The following SUMO2 variants were observed in gnomAD, a reference collection of about 807,000 sequenced individuals.
SUMO2 encodes the protein small ubiquitin-related modifier 2.
Under a neutral mutation model 16.0 loss-of-function variants are expected in SUMO2, and 1 was observed. The observed-to-expected ratio is 0.06, with a 90% CI of 0.02 to 0.30. The LOEUF is 0.30. SUMO2 is among the 10% of genes least tolerant of loss of function. SUMO2 has a pLI of 1.00. For synonymous variants in SUMO2, 36 were observed against 40.6 expected (o/e 0.89, Z 0.43); for missense variants, 16 against 117.5 (o/e 0.14, Z 3.99).
chr17:75,168,867 A>G (rs753795847), intron 3 of SUMO2, among the ~76,000 whole-genome samples: 16 of 152,010 alleles, frequency 1.1e-4, no homozygotes, highest in Non-Finnish European at 1.9e-4. Flanking sequence ...GGCCTCCCAA[A>G]GTGCTGGGAT....
intron 3 of SUMO2, among the ~76,000 whole-genome samples, chr17:75,173,978 T>C (rs1005689058): frequency 1.1e-4 from 17 of 152,126 alleles, no homozygotes; most frequent in Non-Finnish European, 2.1e-4. Flanking sequence ...AATCTCCTAT[T>C]ATCAGGGGCT....
chr17:75,169,931 G>A (rs551408531), intron 3 of SUMO2, among the ~76,000 whole-genome samples: 4 of 151,652 alleles, frequency 2.6e-5, no homozygotes, highest in Admixed American at 1.3e-4. Context: ...GAGGCAGGCA[G>A]ATCACCTGAG....
At chr17:75,172,936 G>A (rs1010581427) in intron 3 of SUMO2, among the ~76,000 whole-genome samples, 2 of 152,150 alleles carry the variant, frequency 1.3e-5, no homozygotes, top group Non-Finnish European at 2.9e-5. Flanking sequence ...TTCCTTTTGA[G>A]AGACTGTCAC....
intron 3 of SUMO2, among the ~76,000 whole-genome samples, chr17:75,172,092 T>G (rs892649994): frequency 6.7e-6 from 1 of 150,146 alleles, no homozygotes; most frequent in African/African-American, 2.5e-5. Flanking sequence ...CACTGCAACC[T>G]CGACTGTCTG....
chr17:75,174,690 T>TA (rs955896665), intron 3 of SUMO2, 62 bp downstream of exon 3: 36 of 1,496,302 alleles, frequency 2.4e-5, no homozygotes, highest in Middle Eastern at 3.6e-4. Context: ...TTCAAATTCA[T>TA]AAACACAGCT....
At chr17:75,173,705 G>A (rs1359743864) in intron 3 of SUMO2, among the ~76,000 whole-genome samples, 1 of 152,054 alleles carries the variant, frequency 6.6e-6, no homozygotes, top group Non-Finnish European at 1.5e-5. Flanking sequence ...TTGAAATCCT[G>A]GACTCAAGTG....
chr17:75,169,869 G>C (rs568851677), intron 3 of SUMO2, among the ~76,000 whole-genome samples: 1 of 148,924 alleles, frequency 6.7e-6, no homozygotes, highest in African/African-American at 2.5e-5. Flanking sequence ...AAAAAGGTGG[G>C]GGGGGGCGGG....
chr17:75,168,018 G>A lies in SUMO2; in HGVS notation c.*321C>T. On this transcript the variant is annotated 3_prime_UTR_variant, in exon 4 of 4. Coordinates refer to ENST00000420826, the MANE Select transcript of SUMO2 (RefSeq NM_006937.4). The stretch of plus-strand genomic sequence containing the variant: ...ATAACTTACTGGAATATAAAGATAA[G>A]AGCTGAATGAGCATGCCACTAATGG... 1 of 197,332 alleles carries A rather than the reference G, an allele frequency of 5.1e-6. No homozygotes were observed. Among genetic ancestry groups the A allele is most frequent in the Non-Finnish European group, 1.0e-5 (1 of 99,148 alleles). 12.2% of individuals were successfully genotyped at this position (197,332 alleles called of 1,614,324 possible).
Position 75,170,041 on chromosome 17 carries a change from C to G in SUMO2, c.226-1640G>C, listed in dbSNP as rs184326963. Among the ~76,000 whole-genome samples the G allele has an allele frequency of 6.5e-3, 971 of 149,738 alleles. 7 individuals are homozygous for G. The highest frequency in any genetic ancestry group is 0.011 in the Non-Finnish European group (739 of 67,534). On this transcript the variant is annotated intron_variant, in intron 3 of 3. Transcript: ENST00000420826. ...AAAATTAGCTGGGCGTGGTGGCGCACGCCTGCACGCCTGTAATCCCAGCTA... is the reference window on the plus strand; with the variant it reads ...AAAATTAGCTGGGCGTGGTGGCGCAGGCCTGCACGCCTGTAATCCCAGCTA...
rs2145212066 is a variant in SUMO2, at chr17:75,165,927, G to C, written c.*2412C>G. On this transcript the variant is annotated 3_prime_UTR_variant, in exon 4 of 4. Coordinates refer to ENST00000420826, the MANE Select transcript of SUMO2 (RefSeq NM_006937.4). ...TTTAGTCCCAGCTACTGGGGAGGCT[G>C]AGGCAGGAGAATGGCGTGAACCCGG... 1 of 152,278 alleles carries C rather than the reference G, an allele frequency of 6.6e-6. No individual in the cohort carries two copies. The highest frequency in any genetic ancestry group is 2.4e-5 in the African/African-American group (1 of 41,482). The allele number at this position is 152,278 out of a possible 1,614,324, so 9.4% of individuals were successfully genotyped here.
At position 75,171,062 on chromosome 17, in the gene SUMO2, G is replaced by A. The variant is rs554677883; in HGVS notation, c.226-2661C>T. On this transcript the variant is annotated intron_variant, in intron 3 of 3. Coordinates refer to ENST00000420826, the MANE Select transcript of SUMO2 (RefSeq NM_006937.4). Reference sequence around the variant, plus strand: ...ATATAAGTTAGCCATGCTCTGTAAGGGGCAGTTAAAAAAAAAAAAAAGTAC... The same window carrying A: ...ATATAAGTTAGCCATGCTCTGTAAGAGGCAGTTAAAAAAAAAAAAAAGTAC... 4.0e-4 allele frequency among the ~76,000 whole-genome samples: 60 copies of A among 149,462 alleles called. 1 individual carries two copies. The highest frequency in any genetic ancestry group is 1.1e-3 in the Admixed American group (17 of 14,892).
Position 75,182,873 on chromosome 17 carries a change from A to G in SUMO2, c.-39T>C. On this transcript the variant is annotated 5_prime_UTR_variant, in exon 1 of 4. Coordinates refer to ENST00000420826, the MANE Select transcript of SUMO2 (RefSeq NM_006937.4). ...GTCTCCTCAGCTGCCGCTTCACAAA[A>G]GAGGTACCAGGTCCGCACCAAACGA... is the stretch of plus-strand genomic sequence containing the variant. 7.3e-7 allele frequency: 1 copy of G among 1,376,220 alleles called. No individual in the cohort carries two copies. Among genetic ancestry groups the G allele is most frequent in the Non-Finnish European group, 9.5e-7 (1 of 1,056,508 alleles). 85.3% of individuals were successfully genotyped at this position (1,376,220 alleles called of 1,614,324 possible).
rs763179877 is a variant in SUMO2 at position 75,174,774 on chromosome 17, T to C, written c.203A>G (p.Asn68Ser). 3.1e-6 allele frequency: 5 copies of C among 1,613,964 alleles called. No homozygotes were observed. Among genetic ancestry groups the C allele is most frequent in the Admixed American group, 1.7e-5 (1 of 59,948 alleles). The change falls in exon 3 of 4, where the codon AAT becomes AGT. Residue 68 changes from asparagine to serine, a missense_variant. Coordinates refer to ENST00000420826, the MANE Select transcript of SUMO2 (RefSeq NM_006937.4). ...TACCTGTGCAGGTGTGTCTGTTTCA[T>C]TGATTGGTTGCCCGTCAAATCGGAA... ...IRFRFDGQPI[N>S]ETDTPAQLEM...
intron 2 of SUMO2, among the ~76,000 whole-genome samples, chr17:75,176,040 A>T (rs983406800): frequency 4.0e-5 from 6 of 149,936 alleles, no homozygotes; most frequent in Admixed American, 2.0e-4. Context: ...TTAGACAAGG[A>T]AATGAAATTT....
intron 2 of SUMO2, among the ~76,000 whole-genome samples, chr17:75,178,735 ATT>A (rs1208952254): frequency 6.6e-6 from 1 of 150,490 alleles, no homozygotes; most frequent in African/African-American, 2.4e-5. Flanking sequence ...CAACCACCTA[ATT>A]TTTTTTTAAG....
At position 75,175,468 on chromosome 17, in the gene SUMO2, G is replaced by A. The variant is rs1041143682; in HGVS notation, c.154-645C>T. 2.7e-5 allele frequency among the ~76,000 whole-genome samples: 4 copies of A among 149,348 alleles called. No individual in the cohort carries two copies. In the South Asian group the frequency reaches 8.5e-4, roughly 32 times the overall value. On this transcript the variant is annotated intron_variant, in intron 2 of 3. Coordinates refer to ENST00000420826, the MANE Select transcript of SUMO2 (RefSeq NM_006937.4). ...CCTGATTAGCTGGGACTAGGCAGGC[G>A]CCACCATGCCTGGCTAATTTTTGTA...
chr17:75,180,933 T>G, intron 2 of SUMO2, 124 bp downstream of exon 2: 1 of 1,105,700 alleles, frequency 9.0e-7, no homozygotes, highest in Non-Finnish European at 1.3e-6. Flanking sequence ...AAAACTGACG[T>G]GCCAAGTGCA....
intron 2 of SUMO2, 27 bp from the exon 3 acceptor site, chr17:75,174,850 C>T (rs1409707418): frequency 1.3e-6 from 2 of 1,599,746 alleles, no homozygotes; most frequent in Non-Finnish European, 1.7e-6. Flanking sequence ...AAGCAATAAA[C>T]AGCATTAAGA....
At chr17:75,173,719 C>G (rs188646683) in intron 3 of SUMO2, among the ~76,000 whole-genome samples, 1 of 152,218 alleles carries the variant, frequency 6.6e-6, no homozygotes, top group African/African-American at 2.4e-5. Flanking sequence ...TCAAGTGCTC[C>G]GCCCACCTTG....
Sources: gnomAD v4.1 joint callset for allele counts (sites outside exome capture counted in the v4.1 genomes callset) on GRCh38, gnomAD v4.1.1 for gene constraint, MANE v1.5 for transcripts, NCBI Gene and HGNC (gene_info 2026-07-23, HGNC 2026-07-21) for gene names.